RPH3A: variants seen among roughly 807,000 people sequenced by gnomAD.
RPH3A encodes the protein rabphilin 3A.
In RPH3A, 48 loss-of-function variants were observed where a neutral mutation model predicts 102.2. The ratio of observed to expected loss-of-function variants is 0.47; its 90% CI spans 0.37 to 0.60. RPH3A has a LOEUF of 0.60. Ranked by LOEUF, RPH3A falls within the 20% of genes least tolerant of loss-of-function variation. RPH3A has a pLI of 0.00. For missense variants in RPH3A, 781 were observed against 910.1 expected, an observed-to-expected ratio of 0.86 and a Z score of 1.83; for synonymous variants, 310 against 324.3, an observed-to-expected ratio of 0.96 and a Z score of 0.47.
At chr12:112,772,488 C>T (rs2040933682) in intron 1 of RPH3A, among the ~76,000 whole-genome samples, 1 of 152,208 alleles carries the variant, frequency 6.6e-6, no homozygotes, top group Non-Finnish European at 1.5e-5. Context: ...GTATCATCCC[C>T]AGTAGAAAGC....
At chr12:112,810,361 G>A (rs568858831) in intron 2 of RPH3A, among the ~76,000 whole-genome samples, 1 of 152,272 alleles carries the variant, frequency 6.6e-6, no homozygotes, top group African/African-American at 2.4e-5. Context: ...CCCTTAGCTC[G>A]CTGCAGACCT....
chr12:112,708,147 C>T lies in RPH3A; in HGVS notation c.-139-83996C>T, dbSNP rs139519050. 3.3e-4 allele frequency among the ~76,000 whole-genome samples: 50 copies of T among 152,292 alleles called. No homozygotes were observed. The East Asian group carries it at 9.4e-3, about 29-fold the overall frequency. ...CTTGGGCTCCTAACATCTATAGGAA[C>T]AATGAGGAAGTTCATGGTTTATGTC... On this transcript the variant is annotated intron_variant, in intron 1 of 21. Transcript: ENST00000543106.
intron 1 of RPH3A, among the ~76,000 whole-genome samples, chr12:112,763,062 C>T (rs78184119): frequency 6.6e-6 from 1 of 152,234 alleles, no homozygotes; most frequent in African/African-American, 2.4e-5. Flanking sequence ...TTTTCATCCT[C>T]TAAGATGAAA....
At chr12:112,763,116 T>C (rs573578979) in intron 1 of RPH3A, among the ~76,000 whole-genome samples, 47 of 152,350 alleles carry the variant, frequency 3.1e-4, no homozygotes, top group African/African-American at 1.1e-3. Context: ...TATACTGTCG[T>C]GCTATTAGCC....
At chr12:112,629,366 TCTTTGAACAATTAGCTGCTG>T (rs2039787655) in intron 1 of RPH3A, among the ~76,000 whole-genome samples, 1 of 146,724 alleles carries the variant, frequency 6.8e-6, no homozygotes, top group South Asian at 2.2e-4. Flanking sequence ...TAATCTCTCC[TCTTTGAACAATTAGCTGCTG>T]ATGTTTGCTT....
chr12:112,769,561 T>C (rs905976090), intron 1 of RPH3A, among the ~76,000 whole-genome samples: 2 of 152,208 alleles, frequency 1.3e-5, no homozygotes, highest in African/African-American at 4.8e-5. Context: ...TATCTCCTCA[T>C]TGGTGTCTGG....
intron 1 of RPH3A, among the ~76,000 whole-genome samples, chr12:112,736,777 C>A (rs2040672457): frequency 6.6e-6 from 1 of 152,148 alleles, no homozygotes. Context: ...TGAGGGTAAC[C>A]AATGGCAGGC....
chr12:112,761,674 C>T (rs1310433819), intron 1 of RPH3A, among the ~76,000 whole-genome samples: 3 of 152,222 alleles, frequency 2.0e-5, no homozygotes, highest in Non-Finnish European at 4.4e-5. Flanking sequence ...GACTTCTCAG[C>T]AGGGTCAGGT....
intron 10 of RPH3A, chr12:112,874,146 C>G (rs1189468031): frequency 6.6e-6 from 1 of 152,236 alleles, no homozygotes; most frequent in Non-Finnish European, 1.5e-5. Flanking sequence ...AAGATGGCAT[C>G]TAGCCCAGTG....
intron 2 of RPH3A, among the ~76,000 whole-genome samples, chr12:112,796,045 C>T (rs1004974742): frequency 6.6e-6 from 1 of 152,150 alleles, no homozygotes; most frequent in Non-Finnish European, 1.5e-5. Context: ...TCTTGTTCCC[C>T]ACTGCAGTTC....
At chr12:112,878,899 C>T (rs2042855714) in intron 13 of RPH3A, among the ~76,000 whole-genome samples, 1 of 152,214 alleles carries the variant, frequency 6.6e-6, no homozygotes, top group South Asian at 2.1e-4. Context: ...AAAGGCATTA[C>T]CTAGGCAAGT....
intron 2 of RPH3A, among the ~76,000 whole-genome samples, chr12:112,810,075 T>A (rs1043081242): frequency 3.3e-5 from 5 of 152,210 alleles, no homozygotes; most frequent in Non-Finnish European, 2.9e-5. Context: ...CATTTCAGCT[T>A]CCTTTCTCGA....
intron 3 of RPH3A, among the ~76,000 whole-genome samples, chr12:112,833,390 G>A (rs1189500489): frequency 1.3e-5 from 2 of 152,198 alleles, no homozygotes; most frequent in African/African-American, 2.4e-5. Context: ...CTCTGACCAT[G>A]TAGGTCTTTT....
At chr12:112,869,543 A>G in intron 8 of RPH3A, 1 of 569,102 alleles carries the variant, frequency 1.8e-6, no homozygotes, top group Non-Finnish European at 3.1e-6. Flanking sequence ...GTTCTTTATA[A>G]AGCCTGTGTA....
At chr12:112,801,105 C>A (rs962320199) in intron 2 of RPH3A, among the ~76,000 whole-genome samples, 4 of 152,168 alleles carry the variant, frequency 2.6e-5, no homozygotes, top group African/African-American at 7.2e-5. Flanking sequence ...CTGGCCAAGC[C>A]TTTCTCCAGG....
chr12:112,744,017 A>T (rs888559357), intron 1 of RPH3A, among the ~76,000 whole-genome samples: 6 of 152,248 alleles, frequency 3.9e-5, no homozygotes, highest in Admixed American at 2.6e-4. Flanking sequence ...AATTTTGGTG[A>T]GTCATACTGA....
chr12:112,856,993 C>A (rs1228574511), intron 5 of RPH3A, among the ~76,000 whole-genome samples: 1 of 152,070 alleles, frequency 6.6e-6, no homozygotes, highest in Admixed American at 6.6e-5. Flanking sequence ...GCACCCCAAC[C>A]CCTGCGTCAT....
In RPH3A at chr12:112,798,601, C is replaced by T. The variant is rs2041279895; in HGVS notation, c.-19+6338C>T. On this transcript the variant is annotated intron_variant, in intron 2 of 21. Transcript: ENST00000389385. Reference sequence around the variant, plus strand: ...GTTGGGAGGCTTTTCATGCAAGGTGCTGCCAAATGGCATCTGTGTGGTCCG... The same window carrying T: ...GTTGGGAGGCTTTTCATGCAAGGTGTTGCCAAATGGCATCTGTGTGGTCCG... 2.6e-5 allele frequency among the ~76,000 whole-genome samples: 4 copies of T among 152,282 alleles called. No individual in the cohort carries two copies. The South Asian group carries it at 6.2e-4, about 24-fold the overall frequency.
chr12:112,726,033 G>T (rs1370454673), intron 1 of RPH3A, among the ~76,000 whole-genome samples: 1 of 151,532 alleles, frequency 6.6e-6, no homozygotes, highest in Non-Finnish European at 1.5e-5. Context: ...CTGACCTCGT[G>T]ATCCACCCGC....
Sources: allele counts gnomAD v4.1 joint callset (sites outside exome capture counted in the v4.1 genomes callset), GRCh38; gene constraint gnomAD v4.1.1; transcripts MANE v1.5; gene names NCBI Gene and HGNC (gene_info 2026-07-23, HGNC 2026-07-21).